The following TCP10L variants were observed in gnomAD, a reference collection of about 807,000 sequenced individuals.
TCP10L encodes t-complex 10 like, also known as T-complex protein 10A homolog 1.
Under a neutral mutation model 19.2 loss-of-function variants are expected in TCP10L, and 11 were observed. The observed-to-expected ratio is 0.57, with a 90% CI of 0.36 to 0.95. TCP10L has a LOEUF of 0.95. Among genes scored for constraint, TCP10L ranks in the 40% least tolerant of loss-of-function variants. The probability of loss-of-function intolerance (pLI) is 0.01; values close to 1 mark genes in which losing one functional copy is unlikely to be tolerated. For synonymous variants in TCP10L, 96 were observed against 97.2 expected, an observed-to-expected ratio of 0.99 and a Z score of 0.07; for missense variants, 247 against 263.9, an observed-to-expected ratio of 0.94 and a Z score of 0.44.
At position 32,576,336 on chromosome 21, in the gene TCP10L, C is replaced by T; in HGVS notation, c.*438G>A. On this transcript the variant is annotated 3_prime_UTR_variant, in exon 5 of 5. Transcript: ENST00000300258. ...ATGGATGCATAGCCTGGGGCAATGA[C>T]AGTCACAGGCCCGCCTTGTCACAAG... is the stretch of plus-strand genomic sequence containing the variant. 6.8e-7 allele frequency: 1 copy of T among 1,469,356 alleles called. No individual in the cohort carries two copies. Among genetic ancestry groups the T allele is most frequent in the Non-Finnish European group, 9.4e-7 (1 of 1,068,476 alleles). The allele number at this position is 1,469,356 out of a possible 1,614,324, so 91.0% of individuals were successfully genotyped here.
chr21:32,578,359 G>T lies in TCP10L; in HGVS notation c.498+335C>A, dbSNP rs549974930. Among the ~76,000 whole-genome samples the T allele has an allele frequency of 2.0e-5, 3 of 152,232 alleles. No individual in the cohort carries two copies. The highest frequency in any genetic ancestry group is 4.4e-5 in the Non-Finnish European group (3 of 68,046). On this transcript the variant is annotated intron_variant, in intron 4 of 4. Coordinates refer to ENST00000300258, the MANE Select transcript of TCP10L (RefSeq NM_144659.7). The surrounding 1 kb of genome is among the most constrained non-coding windows in gnomAD (Gnocchi z 4.2). Reference sequence around the variant, plus strand: ...GGAGGCTGCGAGCCCTCAGACTCACGGGTGGAGACAGTGCCACACACATCA... The same window carrying T: ...GGAGGCTGCGAGCCCTCAGACTCACTGGTGGAGACAGTGCCACACACATCA...
Position 32,578,888 on chromosome 21 carries a change from A to T in TCP10L, c.361-57T>A. 1 of 1,611,726 alleles carries T rather than the reference A, an allele frequency of 6.2e-7. No homozygotes were observed. On this transcript the variant is annotated intron_variant, in intron 3 of 4. Transcript: ENST00000300258. The surrounding 1 kb of genome is among the most constrained non-coding windows in gnomAD (Gnocchi z 4.2). ...ATTTTCGAAGGTAAAATAAATTCAA[A>T]TTTTAATACAATGAAGAATAATTGG...
At chr21:32,577,923 A>T (rs951011266) in intron 4 of TCP10L, among the ~76,000 whole-genome samples, 1 of 152,144 alleles carries the variant, frequency 6.6e-6, no homozygotes, top group African/African-American at 2.4e-5. Flanking sequence ...AGTATTCCTT[A>T]TGGGAAACAA....
At position 32,576,526 on chromosome 21, in the gene TCP10L, C is replaced by T; in HGVS notation, c.*248G>A. ...AGACTCTGCAGAAATATACCAACTA[C>T]AGAGCTCAGGAAAGCAACTGATTTA... On this transcript the variant is annotated 3_prime_UTR_variant, in exon 5 of 5. Coordinates refer to ENST00000300258, the MANE Select transcript of TCP10L (RefSeq NM_144659.7). 1.6e-6 allele frequency: 1 copy of T among 608,444 alleles called. No homozygotes were observed. The highest frequency in any genetic ancestry group is 2.8e-6 in the Non-Finnish European group (1 of 356,634). 37.7% of individuals were successfully genotyped at this position (608,444 alleles called of 1,614,324 possible). A position where few individuals can be genotyped will look rare whatever the true frequency, so the allele number is the denominator to read the frequency against.
At chr21:32,581,274 C>T (rs780233691) in intron 3 of TCP10L, among the ~76,000 whole-genome samples, 4 of 152,298 alleles carry the variant, frequency 2.6e-5, no homozygotes, top group Non-Finnish European at 5.9e-5. Flanking sequence ...ACTGCCTTCC[C>T]ACTCCATCTC....
rs2038500839 is a variant in TCP10L, at chr21:32,582,095, A to T, written c.360+105T>A. The T allele has an allele frequency of 7.7e-7, 1 of 1,296,690 alleles. No individual in the cohort carries two copies. The highest frequency in any genetic ancestry group is 1.5e-5 in the African/African-American group (1 of 67,764). The allele number at this position is 1,296,690 out of a possible 1,614,324, so 80.3% of individuals were successfully genotyped here. ...GATAGCAACCCCTCCCACCACCCGG[A>T]GCGTGAGTGATACCGCGTCATTCAG... On this transcript the variant is annotated intron_variant, in intron 3 of 4. Coordinates refer to ENST00000300258, the MANE Select transcript of TCP10L (RefSeq NM_144659.7). This position sits in a 1 kb window ranked among gnomAD's most constrained non-coding sequence, Gnocchi z 4.2.
In TCP10L at chr21:32,582,059, G is replaced by T; in HGVS notation, c.360+141C>A. 1 of 905,506 alleles carries T rather than the reference G, an allele frequency of 1.1e-6. No homozygotes were observed. Among genetic ancestry groups the T allele is most frequent in the South Asian group, 1.6e-5 (1 of 60,790 alleles). 56.1% of individuals were successfully genotyped at this position (905,506 alleles called of 1,614,324 possible). A position where few individuals can be genotyped will look rare whatever the true frequency, so the allele number is the denominator to read the frequency against. On this transcript the variant is annotated intron_variant, in intron 3 of 4. Coordinates refer to ENST00000300258, the MANE Select transcript of TCP10L (RefSeq NM_144659.7). This position sits in a 1 kb window ranked among gnomAD's most constrained non-coding sequence, Gnocchi z 4.2. ...TTAATCATTACTTACGGGAAATGGA[G>T]TTGATGGAAAGATAGCAACCCCTCC...
At position 32,575,726 on chromosome 21, in the gene TCP10L, G is replaced by C. The variant is rs993317926; in HGVS notation, c.*1048C>G. ...AGAATTCTTTCCTGACTCAACCAGG[G>C]GCACTCTCGTCTCCTCCCCGTGAGA... is the stretch of plus-strand genomic sequence containing the variant. On this transcript the variant is annotated 3_prime_UTR_variant, in exon 5 of 5. Transcript: ENST00000300258. 6.5e-6 allele frequency: 1 copy of C among 153,112 alleles called. No homozygotes were observed. The highest frequency in any genetic ancestry group is 1.5e-5 in the Non-Finnish European group (1 of 68,372). The allele number at this position is 153,112 out of a possible 1,614,324, so 9.5% of individuals were successfully genotyped here. A position where few individuals can be genotyped will look rare whatever the true frequency, so the allele number is the denominator to read the frequency against.
chr21:32,583,168 G>A (rs2038515960), intron 2 of TCP10L, among the ~76,000 whole-genome samples: 1 of 150,496 alleles, frequency 6.6e-6, no homozygotes, highest in Admixed American at 6.6e-5. Flanking sequence ...CAGAGTAGTT[G>A]GGATTACAGG....
rs1406532120 is a variant in TCP10L at position 32,576,861 on chromosome 21, A to C, written c.561T>G (p.Asp187Glu). The C allele has an allele frequency of 6.2e-7, 1 of 1,614,082 alleles. No individual in the cohort carries two copies. The highest frequency in any genetic ancestry group is 8.5e-7 in the Non-Finnish European group (1 of 1,180,016). ...SWKTPPQENR[D>E]KNLSRRRQDR... is the part of the protein sequence containing the mutation. The stretch of plus-strand genomic sequence containing the variant: ...CTTGACGTCTCCTGGAAAGATTTTT[A>C]TCTCTATTTTCCTGTGGTGGTGTTT... Residue 187 changes from aspartate (D) to glutamate (E), a missense_variant, in exon 5 of 5, where the codon GAT becomes GAG. Physicochemically the swap from Asp to Glu is conservative, Grantham distance 45. Coordinates refer to ENST00000300258, the MANE Select transcript of TCP10L (RefSeq NM_144659.7).
chr21:32,585,086 T>A (rs112873113), intron 1 of TCP10L, among the ~76,000 whole-genome samples: 24 of 152,324 alleles, frequency 1.6e-4, no homozygotes, highest in African/African-American at 5.8e-4. Context: ...AAACCCCGAC[T>A]GTTTAATTCA....
chr21:32,583,588 C>CAAAA lies in TCP10L; in HGVS notation c.144+569_144+572dup, dbSNP rs771224269. On this transcript the variant is annotated intron_variant, in intron 2 of 4. Transcript: ENST00000300258. ...TGGGCGACAGAGCGAGACTCCGTCT[C>CAAAA]AAAAAAAAAAAAAAAAAAAAAAAAA... is the stretch of plus-strand genomic sequence containing the variant. 1.2e-3 allele frequency among the ~76,000 whole-genome samples: 102 copies of CAAAA among 82,902 alleles called. 1 individual carries two copies. The highest frequency in any genetic ancestry group is 4.0e-3 in the African/African-American group (96 of 23,820). 54.4% of individuals were successfully genotyped at this position (82,902 alleles called of 152,430 possible).
rs552831913 is a variant in TCP10L at position 32,576,115 on chromosome 21, G to A, written c.*659C>T. 1 of 720,316 alleles carries A rather than the reference G, an allele frequency of 1.4e-6. No individual in the cohort carries two copies. Among genetic ancestry groups the A allele is most frequent in the Non-Finnish European group, 2.2e-6 (1 of 463,670 alleles). 44.6% of individuals were successfully genotyped at this position (720,316 alleles called of 1,614,324 possible). A position where few individuals can be genotyped will look rare whatever the true frequency, so the allele number is the denominator to read the frequency against. ...AATTAGGCAGCTCCAGGAAGGACAT[G>A]TCCTTGCCATAGTAAGATGTTCTGC... On this transcript the variant is annotated 3_prime_UTR_variant, in exon 5 of 5. Transcript: ENST00000300258.
Position 32,577,056 on chromosome 21 carries a change from G to A in TCP10L, c.499-133C>T, listed in dbSNP as rs547961877. On this transcript the variant is annotated intron_variant, in intron 4 of 4. Transcript: ENST00000300258. ...CCCTTCCTACAGAAGGACACATGAG[G>A]TATCCACACTTAGTGTCTCTCATTC... The A allele has an allele frequency of 8.7e-6, 8 of 922,394 alleles. No individual in the cohort carries two copies. The African/African-American group carries it at 1.2e-4, about 14-fold the overall frequency. The allele number at this position is 922,394 out of a possible 1,614,324, so 57.1% of individuals were successfully genotyped here.
intron 3 of TCP10L, among the ~76,000 whole-genome samples, chr21:32,581,257 G>C (rs981697191): frequency 1.6e-4 from 25 of 152,168 alleles, no homozygotes; most frequent in African/African-American, 6.0e-4. Context: ...CAACTCCCAA[G>C]GGGAAAACTG....
rs776834542 is a variant in TCP10L at position 32,576,755 on chromosome 21, C to A, written c.*19G>T. The A allele has an allele frequency of 3.1e-6, 5 of 1,610,558 alleles. No individual in the cohort carries two copies. In the South Asian group the frequency reaches 4.4e-5, roughly 14 times the overall value. ...GCCAGTGTAGAGTGACACAGGTGTCCGAGGCCACCTTTCCATCTTCAGACA... is the reference window on the plus strand; with the variant it reads ...GCCAGTGTAGAGTGACACAGGTGTCAGAGGCCACCTTTCCATCTTCAGACA... On this transcript the variant is annotated 3_prime_UTR_variant, in exon 5 of 5. Coordinates refer to ENST00000300258, the MANE Select transcript of TCP10L (RefSeq NM_144659.7).
At chr21:32,580,476 CTGTGTGTGTG>C (rs3056366) in intron 3 of TCP10L, among the ~76,000 whole-genome samples, 41 of 137,318 alleles carry the variant, frequency 3.0e-4, no homozygotes, top group African/African-American at 4.9e-4. Flanking sequence ...CGGTGGGTGC[CTGTGTGTGTG>C]TGTGTGTGTG....
chr21:32,584,455 G>A (rs1167396071), intron 1 of TCP10L, 150 bp from the exon 2 acceptor site: 16 of 1,186,978 alleles, frequency 1.3e-5, no homozygotes, highest in East Asian at 2.6e-5. Context: ...TCCCAGGCCC[G>A]AAGCTGACCA....
Position 32,582,323 on chromosome 21 carries a change from T to C in TCP10L, c.237A>G (p.Ile79Met), listed in dbSNP as rs1229395614. ...CCATGTTCTGCTCCCTCAAAGCATC[T>C]ATATGACTCCGGAGTTTTCCATGAA... ...ADVHGKLRSH[I>M]DALREQNMEL... Residue 79 changes from isoleucine to methionine, a missense_variant, in exon 3 of 5, where the codon ATA (isoleucine) becomes ATG (methionine). Ile to Met is a conservative substitution (Grantham distance 10). Transcript: ENST00000300258. The surrounding 1 kb of genome is among the most constrained non-coding windows in gnomAD (Gnocchi z 4.2). 2 of 1,614,114 alleles carry C rather than the reference T, an allele frequency of 1.2e-6. No homozygotes were observed. Among genetic ancestry groups the C allele is most frequent in the South Asian group, 2.2e-5 (2 of 91,056 alleles).
Sources: allele counts gnomAD v4.1 joint callset (sites outside exome capture counted in the v4.1 genomes callset), GRCh38; gene constraint gnomAD v4.1.1; non-coding constraint Gnocchi (gnomAD v3.1); transcripts MANE v1.5; gene names NCBI Gene and HGNC (gene_info 2026-07-23, HGNC 2026-07-21).